Variants in MAX observed in about 807,000 individuals in gnomAD.
MAX encodes MYC associated transcriptional regulator X.
A neutral mutation model predicts 22.3 loss-of-function variants in MAX; 3 were observed. The observed-to-expected ratio is 0.13, with a 90% CI of 0.06 to 0.35. The LOEUF (loss-of-function observed/expected upper bound fraction) is 0.35, where lower values mean the gene tolerates loss of function less well. MAX is among the 10% of genes least tolerant of loss of function. MAX has a pLI of 1.00. For synonymous variants in MAX, 72 were observed against 77.7 expected, an observed-to-expected ratio of 0.93 and a Z score of 0.39; for missense variants, 119 against 209.4, an observed-to-expected ratio of 0.57 and a Z score of 2.66.
rs943156801 is a variant in MAX, at chr14:65,032,466, C to G, written c.172-26182G>C. On this transcript the variant is annotated intron_variant, in intron 3 of 3. Transcript: ENST00000341653. The surrounding 1 kb of genome is among the most constrained non-coding windows in gnomAD (Gnocchi z 5.0). ...ATGTCACACCTCTCAGTTGGAGACC[C>G]AGGAGGACTGACCGTGTGCCAAGAG... The G allele has an allele frequency of 2.7e-6, 2 of 735,518 alleles. No homozygotes were observed. Among genetic ancestry groups the G allele is most frequent in the South Asian group, 4.2e-5 (2 of 47,216 alleles). The allele number at this position is 735,518 out of a possible 1,614,324, so 45.6% of individuals were successfully genotyped here.
At chr14:65,058,732 T>C (rs556237292) in intron 3 of MAX, among the ~76,000 whole-genome samples, 10 of 152,346 alleles carry the variant, frequency 6.6e-5, no homozygotes, top group Admixed American at 2.0e-4. Flanking sequence ...TCTTCTTTAA[T>C]ATGATATGTT....
At chr14:65,067,183 T>TAA (rs1317967597) in intron 3 of MAX, among the ~76,000 whole-genome samples, 53 of 132,176 alleles carry the variant, frequency 4.0e-4, no homozygotes, top group African/African-American at 1.8e-3. Flanking sequence ...AGACCCTGTC[T>TAA]TAAAAAAAAA....
In MAX at chr14:65,044,441, A is replaced by G. The variant is rs1189970731; in HGVS notation, c.172-38157T>C. 1.9e-6 allele frequency: 3 copies of G among 1,606,260 alleles called. No homozygotes were observed. The highest frequency in any genetic ancestry group is 2.5e-6 in the Non-Finnish European group (3 of 1,177,220). On this transcript the variant is annotated intron_variant, in intron 3 of 3. Coordinates refer to the MAX transcript ENST00000341653. The surrounding 1 kb of genome is among the most constrained non-coding windows in gnomAD (Gnocchi z 5.5). ...CTGCTCCACCGCGCACTGCACGCCC[A>G]AGGTGAGCCTGGGGAGCTGTTCACT...
intron 3 of MAX, among the ~76,000 whole-genome samples, chr14:65,038,916 T>C (rs1367420584): frequency 6.6e-6 from 1 of 152,224 alleles, no homozygotes; most frequent in Non-Finnish European, 1.5e-5. Flanking sequence ...TCTTGTTCTT[T>C]TCTGGGGATA....
In MAX at chr14:65,009,319, A is replaced by G. The variant is rs189894674; in HGVS notation, c.172-3035T>C. Among the ~76,000 whole-genome samples, 191 of 152,248 alleles carry G rather than the reference A, an allele frequency of 1.3e-3. 1 individual carries two copies. The highest frequency in any genetic ancestry group is 4.6e-3 in the African/African-American group (191 of 41,532). On this transcript the variant is annotated intron_variant, in intron 3 of 3. Coordinates refer to the MAX transcript ENST00000341653. The surrounding 1 kb of genome is among the most constrained non-coding windows in gnomAD (Gnocchi z 4.2). The stretch of plus-strand genomic sequence containing the variant: ...CTGAGGCTGCTGACTGGCTTCACCA[A>G]CATGTTATATTTCTTAATTTCACTG...
At chr14:65,056,149 G>T (rs1292575665) in intron 3 of MAX, among the ~76,000 whole-genome samples, 1 of 152,122 alleles carries the variant, frequency 6.6e-6, no homozygotes, top group Non-Finnish European at 1.5e-5. Flanking sequence ...CAAACTTTTT[G>T]TAATGGTACC....
rs1388607160 is a variant in MAX at position 65,088,694 on chromosome 14, C to T, written c.171+5014G>A. Among the ~76,000 whole-genome samples, 1 of 152,232 alleles carries T rather than the reference C, an allele frequency of 6.6e-6. No homozygotes were observed. The highest frequency in any genetic ancestry group is 2.4e-5 in the African/African-American group (1 of 41,458). On this transcript the variant is annotated intron_variant, in intron 3 of 4. Transcript: ENST00000358664. This position sits in a 1 kb window ranked among gnomAD's most constrained non-coding sequence, Gnocchi z 5.2. ...TAATAAATATTCACTATGCTCCCTA[C>T]TATGTGCAGGCACTGAGGGAAGAAA... is the stretch of plus-strand genomic sequence containing the variant.
chr14:65,098,741 C>T (rs993682180), intron 2 of MAX, among the ~76,000 whole-genome samples: 6 of 152,110 alleles, frequency 3.9e-5, no homozygotes, highest in Non-Finnish European at 8.8e-5. Context: ...GGGTTACTTC[C>T]TTTAACAAAG....
In MAX at chr14:65,044,727, T is replaced by A; in HGVS notation, c.172-38443A>T. On this transcript the variant is annotated intron_variant, in intron 3 of 3. Coordinates refer to the MAX transcript ENST00000341653. This position sits in a 1 kb window ranked among gnomAD's most constrained non-coding sequence, Gnocchi z 5.5. ...GGAGGAAGTGGGCGCTGCTTCTGCG[T>A]TATCTGGAAGGAGCAGCCCACTCCT... The A allele has an allele frequency of 4.6e-6, 2 of 438,300 alleles. No homozygotes were observed. The highest frequency in any genetic ancestry group is 7.9e-6 in the Non-Finnish European group (2 of 252,052). The allele number at this position is 438,300 out of a possible 1,614,324, so 27.2% of individuals were successfully genotyped here. A position where few individuals can be genotyped will look rare whatever the true frequency, so the allele number is the denominator to read the frequency against.
chr14:65,049,507 G>A (rs2062560334), intron 3 of MAX, among the ~76,000 whole-genome samples: 1 of 152,168 alleles, frequency 6.6e-6, no homozygotes, highest in South Asian at 2.1e-4. Context: ...ATCTTGTTGT[G>A]ATTATGTGTG....
downstream of MAX, chr14:65,075,125 A>G: frequency 9.8e-7 from 1 of 1,016,654 alleles, no homozygotes. The surrounding 1 kb of genome is among the most constrained non-coding windows in gnomAD (Gnocchi z 4.1). Context: ...ACCACCACCA[A>G]GAAGGATAAA....
Position 65,009,832 on chromosome 14 carries a change from A to G in MAX, c.172-3548T>C, listed in dbSNP as rs1013492779. On this transcript the variant is annotated intron_variant, in intron 3 of 3. Coordinates refer to the MAX transcript ENST00000341653. The surrounding 1 kb of genome is among the most constrained non-coding windows in gnomAD (Gnocchi z 4.2). ...TTTGGGAAGAGTTTTCTGACCCTCC[A>G]TCTCTTCCCGTGGCTGATCACAGCG... Among the ~76,000 whole-genome samples the G allele has an allele frequency of 2.6e-5, 4 of 151,852 alleles. No homozygotes were observed. The highest frequency in any genetic ancestry group is 4.4e-5 in the Non-Finnish European group (3 of 67,946).
intron 3 of MAX, among the ~76,000 whole-genome samples, chr14:65,033,368 A>C (rs894866204): frequency 3.3e-5 from 5 of 152,240 alleles, no homozygotes; most frequent in Non-Finnish European, 7.3e-5. Context: ...GATAAACACC[A>C]AATTTAGCAT....
At chr14:65,006,197 T>A (rs1220405625) in exon 4 of MAX, 11 of 1,613,618 alleles carry the variant, frequency 6.8e-6, no homozygotes, top group Non-Finnish European at 9.3e-6. Flanking sequence ...TAAGAAACTT[T>A]TTCTGATTAG....
rs2063287646 is a variant in MAX, at chr14:65,084,882, A to C, written c.172-6846T>G. 6.6e-6 allele frequency among the ~76,000 whole-genome samples: 1 copy of C among 152,216 alleles called. No homozygotes were observed. Among genetic ancestry groups the C allele is most frequent in the Non-Finnish European group, 1.5e-5 (1 of 68,050 alleles). On this transcript the variant is annotated intron_variant, in intron 3 of 4. Coordinates refer to ENST00000358664, the MANE Select transcript of MAX (RefSeq NM_002382.5). This position sits in a 1 kb window ranked among gnomAD's most constrained non-coding sequence, Gnocchi z 4.3. ...CCATCAATAAATCCATGGATTGAAC[A>C]ATAGCAGCTTTTGGGGAGAAAAAAA...
chr14:65,046,733 T>C (rs1160013231), intron 3 of MAX, among the ~76,000 whole-genome samples: 2 of 152,102 alleles, frequency 1.3e-5, no homozygotes, highest in Non-Finnish European at 2.9e-5. Flanking sequence ...TGTAGAAAGA[T>C]AGTCACAATA....
At chr14:65,049,034 G>C (rs1432403664) in intron 3 of MAX, among the ~76,000 whole-genome samples, 1 of 151,918 alleles carries the variant, frequency 6.6e-6, no homozygotes, top group Admixed American at 6.6e-5. Context: ...GGCTGAGGCA[G>C]GAGAATCCCT....
Position 65,032,543 on chromosome 14 carries a change from CG to C in MAX, c.172-26260del. 1 of 1,575,508 alleles carries C rather than the reference CG, an allele frequency of 6.3e-7. No individual in the cohort carries two copies. Among genetic ancestry groups the C allele is most frequent in the Admixed American group, 1.8e-5 (1 of 56,872 alleles). ...CTAGGCAAGGCGAGCAGTCCGCCCG[CG>C]GAGTTCACTGAGCCTCATTAGCTCT... is the stretch of plus-strand genomic sequence containing the variant. On this transcript the variant is annotated intron_variant, in intron 3 of 3. Coordinates refer to the MAX transcript ENST00000341653. The surrounding 1 kb of genome is among the most constrained non-coding windows in gnomAD (Gnocchi z 5.0).
chr14:65,016,294 A>G (rs1273212396), intron 3 of MAX, among the ~76,000 whole-genome samples: 1 of 152,220 alleles, frequency 6.6e-6, no homozygotes, highest in East Asian at 1.9e-4. Context: ...TACAGATGGC[A>G]TTCGTGATCT....
Sources: allele counts gnomAD v4.1 joint callset (sites outside exome capture counted in the v4.1 genomes callset), GRCh38; gene constraint gnomAD v4.1.1; non-coding constraint Gnocchi (gnomAD v3.1); transcripts MANE v1.5; gene names NCBI Gene and HGNC (gene_info 2026-07-23, HGNC 2026-07-21).